The following FANCA variants were observed in gnomAD, a reference collection of about 807,000 sequenced individuals.
FANCA encodes the protein FA complementation group A.
In FANCA, 236 loss-of-function variants were observed where a neutral mutation model predicts 194.3. The ratio of observed to expected loss-of-function variants is 1.21; its 90% confidence interval spans 1.09 to 1.35. The LOEUF (loss-of-function observed/expected upper bound fraction) is 1.35, where lower values mean the gene tolerates loss of function less well. FANCA is among the 40% of genes most tolerant of loss of function. The pLI is 0.00. For synonymous variants in FANCA, 1,014 were observed against 715.8 expected, an observed-to-expected ratio of 1.42 and a Z score of -6.65; for missense variants, 2,628 against 1,813.9, an observed-to-expected ratio of 1.45 and a Z score of -8.15.
chr16:89,788,451 C>T (rs2143502975), intron 14 of FANCA, among the ~76,000 whole-genome samples: 1 of 151,420 alleles, frequency 6.6e-6, no homozygotes, highest in South Asian at 2.1e-4. Flanking sequence ...CAAAACAAAA[C>T]ATAACAAAAA....
rs199778951 is a variant in FANCA at position 89,737,796 on chromosome 16, C to A, written c.*805G>T. On this transcript the variant is annotated 3_prime_UTR_variant, in exon 43 of 43. Transcript: ENST00000389301. The stretch of plus-strand genomic sequence containing the variant: ...CAGGGGCCTGGACTCACTGGACTCT[C>A]CCCTCTCAGAGGTGCGGAACTATAT... 1.1e-5 allele frequency: 17 copies of A among 1,614,146 alleles called. No individual in the cohort carries two copies. The highest frequency in any genetic ancestry group is 1.4e-5 in the Non-Finnish European group (16 of 1,180,034).
intron 41 of FANCA, 64 bp from the exon 42 acceptor site, chr16:89,739,038 C>T: frequency 6.2e-7 from 1 of 1,614,034 alleles, no homozygotes; most frequent in Non-Finnish European, 8.5e-7. Context: ...GGTGTGTCCC[C>T]CATAGTCTGC....
At chr16:89,751,065 G>T (rs1047202519) in intron 31 of FANCA, among the ~76,000 whole-genome samples, 6 of 152,104 alleles carry the variant, frequency 3.9e-5, no homozygotes, top group Non-Finnish European at 7.4e-5. Context: ...CTAGTGTTTT[G>T]TATTTTTAGT....
In FANCA at chr16:89,791,605, C is replaced by T. The variant is rs542431642; in HGVS notation, c.1226-69G>A. The T allele has an allele frequency of 1.3e-4, 206 of 1,599,452 alleles. No individual in the cohort carries two copies. In the African/African-American group the frequency reaches 2.1e-3, roughly 16 times the overall value. On this transcript the variant is annotated intron_variant, in intron 13 of 42. Transcript: ENST00000389301. ...CAGCAGGAACATGACGTGAGTTATG[C>T]TGGGTGATCAAGTATTCCAGAAGGA...
At position 89,737,849 on chromosome 16, in the gene FANCA, G is replaced by A. The variant is rs1267381282; in HGVS notation, c.*752C>T. 4 of 1,614,190 alleles carry A rather than the reference G, an allele frequency of 2.5e-6. No homozygotes were observed. The highest frequency in any genetic ancestry group is 3.4e-6 in the Non-Finnish European group (4 of 1,180,040). ...GTGACGAATGTGGACAAACCTTCAA[G>A]CAGCGGAAGCACCTTCTCGTCCACC... On this transcript the variant is annotated 3_prime_UTR_variant, in exon 43 of 43. Coordinates refer to ENST00000389301, the MANE Select transcript of FANCA (RefSeq NM_000135.4).
At chr16:89,785,390 TG>T (rs547788180) in intron 14 of FANCA, among the ~76,000 whole-genome samples, 121 of 152,166 alleles carry the variant, frequency 8.0e-4, no homozygotes, top group Non-Finnish European at 1.5e-3. Context: ...ATTGATTTTG[TG>T]GGATGAAGCC....
intron 37 of FANCA, among the ~76,000 whole-genome samples, chr16:89,741,835 A>C (rs1328219075): frequency 6.6e-6 from 1 of 152,204 alleles, no homozygotes; most frequent in Non-Finnish European, 1.5e-5. Context: ...CTGCAGCATG[A>C]ACACAGAAGG....
At chr16:89,759,318 T>TATAAAAAAAAAA (rs2038866186) in intron 29 of FANCA, among the ~76,000 whole-genome samples, 1 of 75,180 alleles carries the variant, frequency 1.3e-5, no homozygotes, top group African/African-American at 5.1e-5. Flanking sequence ...AGACTCCGTC[T>TATAAAAAAAAAA]AAAAAAAAAA....
rs557712791 is a variant in FANCA at position 89,759,092 on chromosome 16, G to A, written c.2853-387C>T. Among the ~76,000 whole-genome samples the A allele has an allele frequency of 4.4e-4, 67 of 151,878 alleles. 1 individual carries two copies. The highest frequency in any genetic ancestry group is 1.4e-3 in the African/African-American group (58 of 41,402). ...TCCCAGCACTTTGGGAGGCTCAGGC[G>A]GGCGGATCACGAGGTTAGGAGATCG... On this transcript the variant is annotated intron_variant, in intron 29 of 42. Transcript: ENST00000389301.
chr16:89,799,136 C>A, intron 10 of FANCA, 30 bp downstream of exon 10: 1 of 1,614,196 alleles, frequency 6.2e-7, no homozygotes, highest in East Asian at 2.2e-5. Context: ...CCCTGCTGCA[C>A]ACTCAGGCAG....
chr16:89,805,562 AAT>A (rs2040610408), intron 6 of FANCA, among the ~76,000 whole-genome samples, 170 bp from the exon 7 acceptor site: 1 of 151,960 alleles, frequency 6.6e-6, no homozygotes, highest in South Asian at 2.1e-4. Context: ...AGGCTCAAGC[AAT>A]CCTTCCACCT....
Position 89,779,066 on chromosome 16 carries a change from G to A in FANCA, c.1716-63C>T, listed in dbSNP as rs1462336302. 4.6e-6 allele frequency: 7 copies of A among 1,509,996 alleles called. No homozygotes were observed. In the East Asian group the frequency reaches 6.8e-5, roughly 15 times the overall value. 93.5% of individuals were successfully genotyped at this position (1,509,996 alleles called of 1,614,324 possible). Reference sequence around the variant, plus strand: ...CAGCGAGAAGGCAATTCCCACAGACGGTGACCGGTGTTTCAGAGAGTGGAC... The same window carrying A: ...CAGCGAGAAGGCAATTCCCACAGACAGTGACCGGTGTTTCAGAGAGTGGAC... On this transcript the variant is annotated intron_variant, in intron 18 of 42. Coordinates refer to ENST00000389301, the MANE Select transcript of FANCA (RefSeq NM_000135.4).
intron 29 of FANCA, 114 bp downstream of exon 29, chr16:89,761,835 A>T (rs1450517063): frequency 1.1e-5 from 9 of 845,418 alleles, no homozygotes; most frequent in Non-Finnish European, 1.9e-5. Flanking sequence ...CATGTTGCCC[A>T]GGCTGACCTC....
chr16:89,807,702 G>A (rs2040711873), intron 6 of FANCA, among the ~76,000 whole-genome samples: 1 of 151,884 alleles, frequency 6.6e-6, no homozygotes, highest in South Asian at 2.1e-4. Flanking sequence ...GGCTAACATG[G>A]TGAAACCCAG....
At chr16:89,811,413 G>A (rs888769720) in intron 3 of FANCA, among the ~76,000 whole-genome samples, 1 of 152,216 alleles carries the variant, frequency 6.6e-6, no homozygotes, top group African/African-American at 2.4e-5. Context: ...AACTGCAGCA[G>A]GCTCTTTCAA....
chr16:89,797,704 C>A (rs887781323), intron 10 of FANCA, among the ~76,000 whole-genome samples: 1 of 152,064 alleles, frequency 6.6e-6, no homozygotes, highest in Non-Finnish European at 1.5e-5. Context: ...TATAGTGAAA[C>A]CCCATGTCTA....
chr16:89,795,875 A>G, intron 11 of FANCA, 31 bp downstream of exon 11: 2 of 1,517,930 alleles, frequency 1.3e-6, no homozygotes, highest in Non-Finnish European at 9.2e-7. Flanking sequence ...CAAAATGGGT[A>G]GCAACTGAGC....
chr16:89,765,146 C>G (rs2039083178), intron 27 of FANCA, 80 bp from the exon 28 acceptor site: 2 of 1,528,260 alleles, frequency 1.3e-6, no homozygotes, highest in South Asian at 2.3e-5. Flanking sequence ...CAGGTGGAAA[C>G]AGACCATCAA....
chr16:89,783,131 G>T (rs201305326), intron 15 of FANCA, 29 bp from the exon 16 acceptor site: 4 of 1,551,796 alleles, frequency 2.6e-6, no homozygotes, highest in African/African-American at 2.7e-5. Context: ...GCGCAGCACC[G>T]TTAGTCTGGG....
Sources: allele counts gnomAD v4.1 joint callset (sites outside exome capture counted in the v4.1 genomes callset), GRCh38; gene constraint gnomAD v4.1.1; transcripts MANE v1.5; gene names NCBI Gene and HGNC (gene_info 2026-07-23, HGNC 2026-07-21).